ZIC5: variants seen among roughly 807,000 people sequenced by gnomAD.
ZIC5 encodes the protein Zic family zinc finger 5, also known as zinc finger protein ZIC 5.
ZIC5 carries 20 observed loss-of-function variants against 28.5 expected under a neutral mutation model. The ratio of observed to expected loss-of-function variants is 0.70; its 90% CI spans 0.49 to 1.02. The LOEUF (loss-of-function observed/expected upper bound fraction) is 1.02. Ranked by LOEUF, ZIC5 falls within the 50% of genes least tolerant of loss-of-function variation. ZIC5 has a pLI of 0.00. For missense variants in ZIC5, 951 were observed against 899.7 expected, an observed-to-expected ratio of 1.06 and a Z score of -0.73; for synonymous variants, 488 against 410.4, an observed-to-expected ratio of 1.19 and a Z score of -2.29.
chr13:99,965,546 C>T lies in ZIC5; in HGVS notation c.1751G>A (p.Ser584Asn). ...CTGAGGGGACAGAGTGCTGGAGTGA[C>T]TCCTGGCTGGGTCCAGCACAGGGGA... ...PLSPVLDPAR[S>N]HSSTLSPQVT... Residue 584 changes from serine to asparagine, a missense_variant, in exon 2 of 2, where the codon AGT becomes AAT. This residue lies in a region of ZIC5 where 108 missense variants were observed against 118.4 expected (regional missense o/e 0.91). Coordinates refer to ENST00000267294, the MANE Select transcript of ZIC5 (RefSeq NM_033132.5). The T allele has an allele frequency of 6.2e-7, 1 of 1,613,330 alleles. No individual in the cohort carries two copies. Among genetic ancestry groups the T allele is most frequent in the East Asian group, 2.2e-5 (1 of 44,870 alleles).
In ZIC5 at chr13:99,971,592, A is replaced by AG. The variant is rs1024547411; in HGVS notation, c.11dup (p.Leu5PhefsTer55). The AG allele has an allele frequency of 6.4e-7, 1 of 1,555,790 alleles. No individual in the cohort carries two copies. The highest frequency in any genetic ancestry group is 8.7e-7 in the Non-Finnish European group (1 of 1,148,794). Reference sequence around the variant, plus strand: ...GCGCTGGCGGGTTCCTCTTGCTCAAAGGGGGCTCCATCAGAACTACACAAT... The same window carrying AG: ...GCGCTGGCGGGTTCCTCTTGCTCAAAGGGGGGCTCCATCAGAACTACACAAT... On this transcript the variant is annotated frameshift_variant, in exon 1 of 2. Transcript: ENST00000267294. LOFTEE classifies it high-confidence loss of function.
At position 99,965,758 on chromosome 13, in the gene ZIC5, A is replaced by G. The variant is rs1489296789; in HGVS notation, c.1539T>C (p.Asp513=). ...GCDRKFANSS[D]RKKHSHVHTS... ...TGTGGACATGGGAATGTTTCTTCCG[A>G]TCACTGCTATTGGCAAACTTCCTGT... is the stretch of plus-strand genomic sequence containing the variant. Residue 513 remains aspartate (D), a synonymous_variant, in exon 2 of 2, where the codon GAT becomes GAC. Transcript: ENST00000267294. The G allele has an allele frequency of 6.2e-7, 1 of 1,614,134 alleles. No homozygotes were observed. The highest frequency in any genetic ancestry group is 1.7e-5 in the Admixed American group (1 of 60,022).
In ZIC5 at chr13:99,971,352, G is replaced by C; in HGVS notation, c.252C>G (p.Ser84=). Reference sequence around the variant, plus strand: ...CCTCCGGGTGTGCCGGGAACGCCTGGGAGGGAGGGCTGAGGCCCAGCGTGC... The same window carrying C: ...CCTCCGGGTGTGCCGGGAACGCCTGCGAGGGAGGGCTGAGGCCCAGCGTGC... The part of the protein sequence containing the change: ...QASTLGLSPP[S]QAFPAHPEAP... Residue 84 remains serine (S), a synonymous_variant, in exon 1 of 2, where the codon TCC becomes TCG. Transcript: ENST00000267294. The C allele has an allele frequency of 7.0e-7, 1 of 1,433,456 alleles. No homozygotes were observed. Among genetic ancestry groups the C allele is most frequent in the Non-Finnish European group, 9.0e-7 (1 of 1,105,644 alleles). The allele number at this position is 1,433,456 out of a possible 1,614,324, so 88.8% of individuals were successfully genotyped here.
chr13:99,969,692 G>T (rs1170544642), intron 1 of ZIC5, among the ~76,000 whole-genome samples: 1 of 152,104 alleles, frequency 6.6e-6, no homozygotes. Context: ...GAAGAGAGGC[G>T]CTTGCCGGGG....
chr13:99,967,649 T>G (rs536860322), intron 1 of ZIC5, among the ~76,000 whole-genome samples: 1 of 152,160 alleles, frequency 6.6e-6, no homozygotes, highest in Admixed American at 6.5e-5. Flanking sequence ...TCCCGGGTTG[T>G]GAAGAAACGC....
chr13:99,965,233 G>C lies in ZIC5; in HGVS notation c.*144C>G. On this transcript the variant is annotated 3_prime_UTR_variant, in exon 2 of 2. Transcript: ENST00000267294. Reference sequence around the variant, plus strand: ...TAATTAAATGTACAAACACCATAGGGTTTCATACTGAATAAATAGGGCTAA... The same window carrying C: ...TAATTAAATGTACAAACACCATAGGCTTTCATACTGAATAAATAGGGCTAA... 1 of 651,790 alleles carries C rather than the reference G, an allele frequency of 1.5e-6. No individual in the cohort carries two copies. The highest frequency in any genetic ancestry group is 2.5e-6 in the Non-Finnish European group (1 of 396,310). 40.4% of individuals were successfully genotyped at this position (651,790 alleles called of 1,614,324 possible).
At chr13:99,971,807 G>A (rs1566399974), upstream of ZIC5, 1 of 1,225,400 alleles carries the variant, frequency 8.2e-7, no homozygotes, top group Non-Finnish European at 1.1e-6. Flanking sequence ...CCGAGATTTT[G>A]GAAATGGCAC....
At chr13:99,968,940 G>A (rs1024447078) in intron 1 of ZIC5, among the ~76,000 whole-genome samples, 1 of 152,242 alleles carries the variant, frequency 6.6e-6, no homozygotes, top group African/African-American at 2.4e-5. Context: ...CCCGGCCCGA[G>A]CGTGGGACCC....
chr13:99,965,438 G>A lies in ZIC5; in HGVS notation c.1859C>T (p.Thr620Ile). Residue 620 changes from threonine to isoleucine, a missense_variant, in exon 2 of 2, where the codon ACC becomes ATC. Physicochemically the swap from Thr to Ile is moderately conservative, Grantham distance 89. Around this residue, in one of 3 missense-constraint regions of ZIC5, gnomAD observed 108 missense variants for 118.4 expected, o/e 0.91. Transcript: ENST00000267294. ...HLHTPSSNGT[T>I]SETEDEEIYG... The stretch of plus-strand genomic sequence containing the variant: ...AATTTCCTCATCTTCAGTCTCAGAG[G>A]TGGTTCCGTTGCTGGAAGGGGTGTG... The A allele has an allele frequency of 6.2e-7, 1 of 1,614,116 alleles. No individual in the cohort carries two copies. Among genetic ancestry groups the A allele is most frequent in the South Asian group, 1.1e-5 (1 of 91,076 alleles).
At position 99,970,963 on chromosome 13, in the gene ZIC5, G is replaced by T. The variant is rs1358539197; in HGVS notation, c.641C>A (p.Ala214Asp). 7.1e-7 allele frequency: 1 copy of T among 1,399,382 alleles called. No individual in the cohort carries two copies. The highest frequency in any genetic ancestry group is 1.6e-5 in the South Asian group (1 of 61,534). The allele number at this position is 1,399,382 out of a possible 1,614,324, so 86.7% of individuals were successfully genotyped here. ...PQHPAPPPHS[A>D]GMFISASGTY... The stretch of plus-strand genomic sequence containing the variant: ...GCCGCTGGCGGAGATGAACATGCCG[G>T]CCGAGTGGGGAGGCGGGGCCGGGTG... The change falls in exon 1 of 2, where the codon GCC becomes GAC. Residue 214 changes from alanine (A) to aspartate (D), a missense_variant. This residue lies in a region of ZIC5 where 784 missense variants were observed against 660.1 expected (regional missense o/e 1.19). Transcript: ENST00000267294.
chr13:99,968,440 C>T (rs1391986631), intron 1 of ZIC5, among the ~76,000 whole-genome samples: 1 of 152,130 alleles, frequency 6.6e-6, no homozygotes, highest in African/African-American at 2.4e-5. Context: ...CCGCGCCCCC[C>T]CCGACCCCAC....
chr13:99,965,654 A>G lies in ZIC5; in HGVS notation c.1643T>C (p.Met548Thr). ...TGGCGGGGACTTGCAGTGAATCTTCATGTGCTTCCTCAGGGAGCTTGGGTG... is the reference window on the plus strand; with the variant it reads ...TGGCGGGGACTTGCAGTGAATCTTCGTGTGCTTCCTCAGGGAGCTTGGGTG... ...YTHPSSLRKH[M>T]KIHCKSPPPS... The change falls in exon 2 of 2, where the codon ATG (methionine) becomes ACG (threonine). Residue 548 changes from methionine to threonine, a missense_variant. By Grantham distance (81) the Met-to-Thr change is moderately conservative. Around this residue, in one of 3 missense-constraint regions of ZIC5, gnomAD observed 108 missense variants for 118.4 expected, o/e 0.91. Transcript: ENST00000267294. 6.2e-7 allele frequency: 1 copy of G among 1,614,168 alleles called. No homozygotes were observed.
At chr13:99,968,137 G>T (rs2053114389) in intron 1 of ZIC5, among the ~76,000 whole-genome samples, 1 of 152,194 alleles carries the variant, frequency 6.6e-6, no homozygotes, top group Non-Finnish European at 1.5e-5. Context: ...AATCCGTTCC[G>T]GGATCCCGGA....
chr13:99,964,899 G>A lies in ZIC5; in HGVS notation c.*478C>T, dbSNP rs1473719165. 3 of 151,886 alleles carry A rather than the reference G, an allele frequency of 2.0e-5. No individual in the cohort carries two copies. The highest frequency in any genetic ancestry group is 4.4e-5 in the Non-Finnish European group (3 of 67,926). The allele number at this position is 151,886 out of a possible 1,614,324, so 9.4% of individuals were successfully genotyped here. ...ACAAGGAGGCTCAAAAGCAGCCCAT[G>A]GTATGGTGTCAAAGGCATTTGAGAG... On this transcript the variant is annotated 3_prime_UTR_variant, in exon 2 of 2. Transcript: ENST00000267294.
intron 1 of ZIC5, among the ~76,000 whole-genome samples, chr13:99,968,155 C>G (rs1566396714): frequency 6.6e-6 from 1 of 152,198 alleles, no homozygotes; most frequent in Non-Finnish European, 1.5e-5. Context: ...GGATAACCCC[C>G]AAAAGGGAGA....
Position 99,971,079 on chromosome 13 carries a change from G to T in ZIC5, c.525C>A (p.Leu175=). Residue 175 remains leucine, a synonymous_variant, in exon 1 of 2, where the codon CTC becomes CTA. Transcript: ENST00000267294. ...GGGCCGTGGCGGAAAGGTCCCTCCGGAGGACGAAGTCCCTGCTGTGGCCTT... is the reference window on the plus strand; with the variant it reads ...GGGCCGTGGCGGAAAGGTCCCTCCGTAGGACGAAGTCCCTGCTGTGGCCTT... ...SGKGHSRDFV[L]RRDLSATAPA... 3 of 1,434,228 alleles carry T rather than the reference G, an allele frequency of 2.1e-6. No individual in the cohort carries two copies. Among genetic ancestry groups the T allele is most frequent in the East Asian group, 3.0e-5 (1 of 33,272 alleles). The allele number at this position is 1,434,228 out of a possible 1,614,324, so 88.8% of individuals were successfully genotyped here. A position where few individuals can be genotyped will look rare whatever the true frequency, so the allele number is the denominator to read the frequency against.
chr13:99,963,702 A>G lies in ZIC5; in HGVS notation c.*1675T>C, dbSNP rs535602418. 3.3e-5 allele frequency: 5 copies of G among 152,338 alleles called. No individual in the cohort carries two copies. In the South Asian group the frequency reaches 8.3e-4, roughly 25 times the overall value. The allele number at this position is 152,338 out of a possible 1,614,324, so 9.4% of individuals were successfully genotyped here. On this transcript the variant is annotated 3_prime_UTR_variant, in exon 2 of 2. Coordinates refer to ENST00000267294, the MANE Select transcript of ZIC5 (RefSeq NM_033132.5). The stretch of plus-strand genomic sequence containing the variant: ...AATAAACCATGGATCATAAATGACA[A>G]TCTTTCACCAAAATGTATAATATAA...
Position 99,970,260 on chromosome 13 carries a change from G to A in ZIC5, c.1344C>T (p.Phe448=). The A allele has an allele frequency of 6.2e-7, 1 of 1,613,930 alleles. No individual in the cohort carries two copies. Among genetic ancestry groups the A allele is most frequent in the African/African-American group, 1.3e-5 (1 of 75,016 alleles). The part of the protein sequence containing the change: ...WEDCPREGKP[F]KAKYKLINHI... Reference sequence around the variant, plus strand: ...GGTTGATGAGCTTGTATTTGGCCTTGAAGGGCTTGCCCTCGCGCGGACAGT... The same window carrying A: ...GGTTGATGAGCTTGTATTTGGCCTTAAAGGGCTTGCCCTCGCGCGGACAGT... The change falls in exon 1 of 2, where the codon TTC becomes TTT. Residue 448 remains phenylalanine, a synonymous_variant. Transcript: ENST00000267294.
In ZIC5 at chr13:99,965,706, T is replaced by C; in HGVS notation, c.1591A>G (p.Ile531Val). The C allele has an allele frequency of 6.2e-7, 1 of 1,614,214 alleles. No homozygotes were observed. Among genetic ancestry groups the C allele is most frequent in the Non-Finnish European group, 8.5e-7 (1 of 1,180,038 alleles). Reference sequence around the variant, plus strand: ...GTGTAGGATTTGTCACAGCCTCGAATCTTGCAGTAGTAGGGCTTGTCACTG... The same window carrying C: ...GTGTAGGATTTGTCACAGCCTCGAACCTTGCAGTAGTAGGGCTTGTCACTG... ...HTSDKPYYCK[I>V]RGCDKSYTHP... The change falls in exon 2 of 2, where the codon ATT (isoleucine) becomes GTT (valine). Residue 531 changes from isoleucine to valine, a missense_variant. By Grantham distance (29) the Ile-to-Val change is conservative. Transcript: ENST00000267294.
Sources: allele counts gnomAD v4.1 joint callset (sites outside exome capture counted in the v4.1 genomes callset), GRCh38; gene constraint gnomAD v4.1.1; regional missense constraint gnomAD v4.1.1; transcripts MANE v1.5; gene names NCBI Gene and HGNC (gene_info 2026-07-23, HGNC 2026-07-21).